DNAAF9: variants seen among roughly 807,000 people sequenced by gnomAD.
The protein encoded by DNAAF9 is dynein axonemal assembly factor 9.
DNAAF9 carries 90 observed loss-of-function variants against 167.0 expected under a neutral mutation model. The ratio of observed to expected loss-of-function variants is 0.54; its 90% confidence interval spans 0.45 to 0.64. The LOEUF (loss-of-function observed/expected upper bound fraction) is 0.64, where lower values mean the gene tolerates loss of function less well. Among genes scored for constraint, DNAAF9 ranks in the 30% least tolerant of loss-of-function variants. DNAAF9 has a pLI of 0.00. For synonymous variants in DNAAF9, 491 were observed against 508.8 expected, an observed-to-expected ratio of 0.96 and a Z score of 0.47; for missense variants, 1,315 against 1,442.2, an observed-to-expected ratio of 0.91 and a Z score of 1.43.
At chr20:3,304,618 G>A in intron 20 of DNAAF9, 75 bp from the exon 21 acceptor site, 1 of 737,360 alleles carries the variant, frequency 1.4e-6, no homozygotes, top group Admixed American at 2.1e-5. Flanking sequence ...CTCTTGTACA[G>A]CAGTGTGGTA....
chr20:3,377,552 C>T (rs1379179502), intron 3 of DNAAF9, among the ~76,000 whole-genome samples: 1 of 151,710 alleles, frequency 6.6e-6, no homozygotes, highest in East Asian at 1.9e-4. Context: ...ACCTCTGTCT[C>T]CCAGGCTCAA....
In DNAAF9 at chr20:3,316,000, G is replaced by A; in HGVS notation, c.1540-215C>T. On this transcript the variant is annotated intron_variant, in intron 18 of 36. Transcript: ENST00000252032. This position sits in a 1 kb window ranked among gnomAD's most constrained non-coding sequence, Gnocchi z 4.1. The stretch of plus-strand genomic sequence containing the variant: ...TTGGTGGGCTCTCTCACTAGGACCT[G>A]AGGTCCAGCTAATGAGCTTATGACA... 4 of 592,246 alleles carry A rather than the reference G, an allele frequency of 6.8e-6. No individual in the cohort carries two copies. The highest frequency in any genetic ancestry group is 9.0e-6 in the Non-Finnish European group (3 of 332,122). The allele number at this position is 592,246 out of a possible 1,614,324, so 36.7% of individuals were successfully genotyped here. A position where few individuals can be genotyped will look rare whatever the true frequency, so the allele number is the denominator to read the frequency against.
chr20:3,344,561 T>C (rs1456518467), intron 8 of DNAAF9, among the ~76,000 whole-genome samples: 2 of 150,600 alleles, frequency 1.3e-5, no homozygotes, highest in Non-Finnish European at 2.9e-5. Context: ...TTATTAATTC[T>C]TCAATATAAT....
At chr20:3,373,578 A>G (rs1260068060) in intron 6 of DNAAF9, among the ~76,000 whole-genome samples, 3 of 152,250 alleles carry the variant, frequency 2.0e-5, no homozygotes, top group Non-Finnish European at 2.9e-5. Flanking sequence ...CAAATTCTGC[A>G]CTGTCCCTTT....
intron 10 of DNAAF9, 71 bp downstream of exon 10, chr20:3,340,433 T>TCCCTCC: frequency 4.5e-6 from 1 of 221,214 alleles, no homozygotes; most frequent in South Asian, 5.9e-5. Context: ...TTTGTCTAGC[T>TCCCTCC]CCCCCCACCC....
At chr20:3,310,613 A>T (rs1228451619) in intron 20 of DNAAF9, among the ~76,000 whole-genome samples, 5 of 151,762 alleles carry the variant, frequency 3.3e-5, no homozygotes, top group Non-Finnish European at 7.4e-5. Context: ...TGAACCTGGG[A>T]GGTAGAGGCT....
chr20:3,278,820 A>C, intron 29 of DNAAF9, 92 bp downstream of exon 29: 1 of 968,552 alleles, frequency 1.0e-6, no homozygotes, highest in Non-Finnish European at 1.7e-6. Flanking sequence ...TTTAGATTTC[A>C]GAATGGTAGG....
In DNAAF9 at chr20:3,382,457, A is replaced by T; in HGVS notation, c.133T>A (p.Ser45Thr). The T allele has an allele frequency of 6.2e-7, 1 of 1,613,928 alleles. No individual in the cohort carries two copies. The highest frequency in any genetic ancestry group is 8.5e-7 in the Non-Finnish European group (1 of 1,179,832). Residue 45 changes from serine to threonine, a missense_variant, in exon 2 of 37, where the codon TCT becomes ACT. By Grantham distance (58) the Ser-to-Thr change is moderately conservative (BLOSUM62 1). Around this residue, in one of 2 missense-constraint regions of DNAAF9, gnomAD observed 981 missense variants for 1,012.5 expected, o/e 0.97. Transcript: ENST00000252032. Reference protein sequence around the residue: ...VQSILTQSSKSRPDGILCILG... With the variant: ...VQSILTQSSKTRPDGILCILG... ...ATGCAGAGGATCCCATCCGGCCGAGACTTGCTGCTCTGGGTCAGGATGCTC... is the reference window on the plus strand; with the variant it reads ...ATGCAGAGGATCCCATCCGGCCGAGTCTTGCTGCTCTGGGTCAGGATGCTC...
chr20:3,296,300 C>A, intron 23 of DNAAF9: 1 of 380,342 alleles, frequency 2.6e-6, no homozygotes, highest in South Asian at 2.0e-5. Flanking sequence ...GGCCCGGCGC[C>A]CAACACCATG....
chr20:3,354,950 G>A (rs1316136886), intron 7 of DNAAF9, among the ~76,000 whole-genome samples: 1 of 152,156 alleles, frequency 6.6e-6, no homozygotes, highest in East Asian at 1.9e-4. Context: ...TGTCGCTGCT[G>A]TTCCAGGTGC....
At chr20:3,268,443 C>T (rs899051288) in intron 30 of DNAAF9, among the ~76,000 whole-genome samples, 1 of 152,108 alleles carries the variant, frequency 6.6e-6, no homozygotes, top group African/African-American at 2.4e-5. Flanking sequence ...ATTCTCTTGC[C>T]TCAGTCTCCT....
intron 17 of DNAAF9, 81 bp from the exon 18 acceptor site, chr20:3,316,874 C>G: frequency 1.4e-6 from 1 of 709,692 alleles, no homozygotes; most frequent in South Asian, 1.8e-5. Context: ...AAATGCCCTT[C>G]TCAGGAGCTA....
chr20:3,291,337 G>GT (rs1221157879), intron 25 of DNAAF9, among the ~76,000 whole-genome samples: 35 of 148,638 alleles, frequency 2.4e-4, no homozygotes, highest in African/African-American at 6.7e-4. Flanking sequence ...GCCTCTGTAA[G>GT]TTTTTTTGTT....
chr20:3,339,267 T>C (rs948887645), intron 10 of DNAAF9, among the ~76,000 whole-genome samples: 2 of 152,244 alleles, frequency 1.3e-5, no homozygotes, highest in Admixed American at 1.3e-4. Flanking sequence ...TTACAAAATA[T>C]GAGTCATATC....
intron 18 of DNAAF9, 146 bp downstream of exon 18, chr20:3,316,577 G>T: frequency 1.8e-6 from 1 of 553,006 alleles, no homozygotes; most frequent in Non-Finnish European, 3.4e-6. Context: ...AAAGAGAAAG[G>T]GCTGGGATCA....
At chr20:3,322,290 T>C (rs972635777) in intron 15 of DNAAF9, 28 bp from the exon 16 acceptor site, 6 of 1,548,224 alleles carry the variant, frequency 3.9e-6, no homozygotes, top group East Asian at 2.2e-5. Context: ...TGGAAGACTA[T>C]GTTAAAGAGT....
In DNAAF9 at chr20:3,290,110, A is replaced by C; in HGVS notation, c.2327+19T>G. On this transcript the variant is annotated intron_variant, in intron 26 of 36. Transcript: ENST00000252032. ...GTTAGAATCCCTTTCCCCAAAGCAA[A>C]GGCATCAGCCATACTAACCTGCCAC... is the stretch of plus-strand genomic sequence containing the variant. The C allele has an allele frequency of 6.5e-7, 1 of 1,528,362 alleles. No individual in the cohort carries two copies. The highest frequency in any genetic ancestry group is 9.1e-7 in the Non-Finnish European group (1 of 1,102,104). 94.7% of individuals were successfully genotyped at this position (1,528,362 alleles called of 1,614,324 possible).
chr20:3,392,168 CAAAAAG>C (rs1416743593), intron 1 of DNAAF9, among the ~76,000 whole-genome samples: 1 of 152,010 alleles, frequency 6.6e-6, no homozygotes, highest in Non-Finnish European at 1.5e-5. Flanking sequence ...CTCTTATCTA[CAAAAAG>C]AAAAAGAAAT....
chr20:3,356,702 T>C (rs1333497647), intron 7 of DNAAF9, among the ~76,000 whole-genome samples: 1 of 152,176 alleles, frequency 6.6e-6, no homozygotes, highest in Non-Finnish European at 1.5e-5. Flanking sequence ...ATGTATGTCA[T>C]TTCAGGACCC....
Sources: gnomAD v4.1 joint callset for allele counts (sites outside exome capture counted in the v4.1 genomes callset) on GRCh38, gnomAD v4.1.1 for gene constraint, gnomAD v4.1.1 regional missense constraint, Gnocchi (gnomAD v3.1) non-coding constraint, MANE v1.5 for transcripts, NCBI Gene and HGNC (gene_info 2026-07-23, HGNC 2026-07-21) for gene names.